EXT1: variants seen among roughly 807,000 people sequenced by gnomAD.
The protein encoded by EXT1 is exostosin-1.
Under a neutral mutation model 82.5 loss-of-function variants are expected in EXT1, and 20 were observed. That is an observed-to-expected ratio of 0.24 (90% confidence interval 0.17 to 0.35). The LOEUF (loss-of-function observed/expected upper bound fraction) is 0.35. EXT1 is among the 10% of genes least tolerant of loss of function. The pLI is 1.00. For missense variants in EXT1, 757 were observed against 936.5 expected (o/e 0.81, Z 2.50); for synonymous variants, 348 against 350.8 (o/e 0.99, Z 0.09).
At chr8:117,873,092 A>C (rs980849558) in intron 1 of EXT1, among the ~76,000 whole-genome samples, 2 of 152,172 alleles carry the variant, frequency 1.3e-5, no homozygotes, top group African/African-American at 4.8e-5. Flanking sequence ...TTTATAAAAG[A>C]GACTGCAGAA....
intron 1 of EXT1, among the ~76,000 whole-genome samples, chr8:117,873,969 TACA>T (rs1812922297): frequency 6.6e-6 from 1 of 152,234 alleles, no homozygotes. Flanking sequence ...GTAAATATGC[TACA>T]AAGTGGCCTA....
intron 1 of EXT1, among the ~76,000 whole-genome samples, chr8:117,887,077 C>T (rs989699473): frequency 6.6e-6 from 1 of 152,100 alleles, no homozygotes; most frequent in Non-Finnish European, 1.5e-5. Flanking sequence ...CTCTGTTTAA[C>T]AGTTCAACCA....
intron 1 of EXT1, among the ~76,000 whole-genome samples, chr8:117,937,394 G>A (rs1223179395): frequency 6.6e-6 from 1 of 152,152 alleles, no homozygotes; most frequent in African/African-American, 2.4e-5. Context: ...TCATTAAAAT[G>A]TCAGCTTCTA....
chr8:117,872,043 G>A (rs1412188512), intron 1 of EXT1, among the ~76,000 whole-genome samples: 1 of 151,924 alleles, frequency 6.6e-6, no homozygotes, highest in African/African-American at 2.4e-5. Context: ...GAGGTGGAAG[G>A]ATCTCTTGGG....
intron 1 of EXT1, among the ~76,000 whole-genome samples, chr8:117,928,054 G>A (rs930493447): frequency 8.5e-5 from 13 of 152,212 alleles, no homozygotes; most frequent in African/African-American, 3.1e-4. Context: ...TTATTGAACA[G>A]GCCTGCTGTG....
intron 1 of EXT1, among the ~76,000 whole-genome samples, chr8:117,991,111 CTT>C (rs771949980): frequency 1.1e-4 from 16 of 143,666 alleles, no homozygotes; most frequent in Admixed American, 1.4e-4. Context: ...ACTTCGATGT[CTT>C]TTTTTTTTTT....
chr8:117,833,057 G>C (rs1587002568), intron 3 of EXT1, among the ~76,000 whole-genome samples: 1 of 152,132 alleles, frequency 6.6e-6, no homozygotes, highest in Non-Finnish European at 1.5e-5. Context: ...TTCTAAAACA[G>C]GAAATAAAAA....
At chr8:117,987,445 T>C (rs1469006562) in intron 1 of EXT1, among the ~76,000 whole-genome samples, 1 of 152,238 alleles carries the variant, frequency 6.6e-6, no homozygotes, top group Non-Finnish European at 1.5e-5. Flanking sequence ...ACTTGGAGAA[T>C]GTTCCAGACA....
intron 1 of EXT1, among the ~76,000 whole-genome samples, chr8:118,076,392 C>T (rs2129973619): frequency 6.6e-6 from 1 of 152,362 alleles, no homozygotes; most frequent in South Asian, 2.1e-4. Context: ...ATTTTAACAA[C>T]AGCTGTAAAC....
At chr8:117,999,416 TACCTTTGTAG>T (rs1177973148) in intron 1 of EXT1, among the ~76,000 whole-genome samples, 1 of 152,228 alleles carries the variant, frequency 6.6e-6, no homozygotes, top group Non-Finnish European at 1.5e-5. Flanking sequence ...TACTATTTAT[TACCTTTGTAG>T]ATGCACTCGA....
At chr8:117,809,585 C>T (rs1490889533) in intron 8 of EXT1, among the ~76,000 whole-genome samples, 7 of 150,512 alleles carry the variant, frequency 4.7e-5, no homozygotes, top group African/African-American at 9.8e-5. Flanking sequence ...TGCGGTGAGC[C>T]GAGATGGTGC....
chr8:117,908,902 T>G (rs1813590845), intron 1 of EXT1, among the ~76,000 whole-genome samples: 1 of 151,960 alleles, frequency 6.6e-6, no homozygotes, highest in South Asian at 2.1e-4. Flanking sequence ...GGAGGGCAGA[T>G]CGCTTGAGCC....
At chr8:118,096,191 T>C (rs371685111) in intron 1 of EXT1, among the ~76,000 whole-genome samples, 1 of 152,222 alleles carries the variant, frequency 6.6e-6, no homozygotes, top group African/African-American at 2.4e-5. Flanking sequence ...CTACAGACTG[T>C]TAAATGATAA....
chr8:118,110,484 C>A lies in EXT1; in HGVS notation c.563G>T (p.Arg188Met), dbSNP rs775696069. 1 of 1,614,092 alleles carries A rather than the reference C, an allele frequency of 6.2e-7. No homozygotes were observed. Among genetic ancestry groups the A allele is most frequent in the Non-Finnish European group, 8.5e-7 (1 of 1,180,028 alleles). The change falls in exon 1 of 11, where the codon AGG becomes ATG. Residue 188 changes from arginine (R) to methionine (M), a missense_variant. Arg to Met is a moderately conservative substitution (Grantham distance 91, BLOSUM62 -1). Around this residue, in one of 4 missense-constraint regions of EXT1, gnomAD observed 247 missense variants for 330.1 expected, o/e 0.75. Transcript: ENST00000378204. ...VQSLHLWNNG[R>M]NHLIFNLYSG... ...ATATAAATTAAAAATTAAATGATTCCTACCATTGTTCCACAAGTGGAGACT... is the reference window on the plus strand; with the variant it reads ...ATATAAATTAAAAATTAAATGATTCATACCATTGTTCCACAAGTGGAGACT...
At chr8:117,965,418 C>T (rs1415473648) in intron 1 of EXT1, among the ~76,000 whole-genome samples, 2 of 151,882 alleles carry the variant, frequency 1.3e-5, no homozygotes, top group African/African-American at 4.8e-5. Context: ...TAAATATTTC[C>T]ATTTAGTGTT....
At position 117,858,762 on chromosome 8, in the gene EXT1, A is replaced by AGGCAGGCAGGCAGGCAGGC. The variant is rs1563581999; in HGVS notation, c.963-21562_963-21561insGCCTGCCTGCCTGCCTGCC. On this transcript the variant is annotated intron_variant, in intron 1 of 10. Transcript: ENST00000378204. ...GAAGGAAGGAAGGAAGGAAGGAAGG[A>AGGCAGGCAGGCAGGCAGGC]AGGAAGGCAGGCAGGCAGGCAGGCA... 3.8e-3 allele frequency among the ~76,000 whole-genome samples: 193 copies of AGGCAGGCAGGCAGGCAGGC among 50,208 alleles called. 2 individuals carry two copies. Among genetic ancestry groups the AGGCAGGCAGGCAGGCAGGC allele is most frequent in the Non-Finnish European group, 5.1e-3 (134 of 26,202 alleles). 32.9% of individuals were successfully genotyped at this position (50,208 alleles called of 152,430 possible). A position where few individuals can be genotyped will look rare whatever the true frequency, so the allele number is the denominator to read the frequency against.
intron 1 of EXT1, among the ~76,000 whole-genome samples, chr8:118,048,520 A>G (rs1816658500): frequency 6.6e-6 from 1 of 152,140 alleles, no homozygotes; most frequent in South Asian, 2.1e-4. Flanking sequence ...ACCCTTTCAA[A>G]TCAATTTTTT....
At chr8:118,048,593 T>C (rs977392345) in intron 1 of EXT1, among the ~76,000 whole-genome samples, 1 of 152,138 alleles carries the variant, frequency 6.6e-6, no homozygotes, top group Non-Finnish European at 1.5e-5. Flanking sequence ...CAGAAACCTA[T>C]TTTAGAGGGT....
Position 117,814,590 on chromosome 8 carries a change from C to T in EXT1, c.1633-1629G>A, listed in dbSNP as rs17450452. On this transcript the variant is annotated intron_variant, in intron 7 of 10. Transcript: ENST00000378204. ...TGACTCTATAGAGCACCTTGGCCAC[C>T]GGGCTGTATCTGAATGGAAAGGACC... Among the ~76,000 whole-genome samples the T allele has an allele frequency of 1.1e-4, 16 of 152,176 alleles. No homozygotes were observed. In the East Asian group the frequency reaches 2.1e-3, roughly 20 times the overall value.
Sources: allele counts gnomAD v4.1 joint callset (sites outside exome capture counted in the v4.1 genomes callset), GRCh38; gene constraint gnomAD v4.1.1; regional missense constraint gnomAD v4.1.1; transcripts MANE v1.5; gene names NCBI Gene and HGNC (gene_info 2026-07-23, HGNC 2026-07-21).